The following PDGFC variants were observed in gnomAD, a reference collection of about 807,000 sequenced individuals.
PDGFC encodes platelet derived growth factor C.
Under a neutral mutation model 35.5 loss-of-function variants are expected in PDGFC, and 12 were observed. The ratio of observed to expected loss-of-function variants is 0.34; its 90% CI spans 0.22 to 0.55. The LOEUF (loss-of-function observed/expected upper bound fraction) is 0.55, where lower values mean the gene tolerates loss of function less well. PDGFC is among the 20% of genes least tolerant of loss of function. The pLI is 0.91. For synonymous variants in PDGFC, 159 were observed against 148.8 expected (o/e 1.07, Z -0.50); for missense variants, 322 against 412.4 (o/e 0.78, Z 1.90).
At chr4:156,956,843 T>C (rs1204411797) in intron 1 of PDGFC, among the ~76,000 whole-genome samples, 14 of 151,964 alleles carry the variant, frequency 9.2e-5, no homozygotes, top group Non-Finnish European at 2.1e-4. Context: ...AGACTTGGAG[T>C]GCTAAGAGCA....
intron 1 of PDGFC, among the ~76,000 whole-genome samples, chr4:156,889,745 G>T (rs751210608): frequency 5.9e-5 from 9 of 151,950 alleles, no homozygotes; most frequent in Non-Finnish European, 8.8e-5. Context: ...TTTGGTTTTG[G>T]TTTTTTTTCT....
intron 1 of PDGFC, among the ~76,000 whole-genome samples, chr4:156,906,146 T>A (rs1579091080): frequency 6.6e-6 from 1 of 152,268 alleles, no homozygotes; most frequent in East Asian, 1.9e-4. Context: ...TCAAAACAAG[T>A]AAGAATATTT....
At chr4:156,784,483 G>C (rs555491300) in intron 3 of PDGFC, among the ~76,000 whole-genome samples, 23 of 152,190 alleles carry the variant, frequency 1.5e-4, no homozygotes, top group Non-Finnish European at 3.4e-4. Flanking sequence ...TAGGAATAGA[G>C]AAGTTTCATC....
chr4:156,869,648 T>C (rs1729932424), intron 1 of PDGFC, among the ~76,000 whole-genome samples: 1 of 152,194 alleles, frequency 6.6e-6, no homozygotes, highest in Non-Finnish European at 1.5e-5. Context: ...TACCACTGGA[T>C]ATTGAACTAA....
At chr4:156,927,190 G>C in intron 1 of PDGFC, among the ~76,000 whole-genome samples, 1 of 152,162 alleles carries the variant, frequency 6.6e-6, no homozygotes, top group East Asian at 1.9e-4. Context: ...ACACAGCAGA[G>C]AGACGCTGGG....
intron 1 of PDGFC, among the ~76,000 whole-genome samples, chr4:156,960,580 T>C (rs956273742): frequency 3.3e-5 from 5 of 151,882 alleles, no homozygotes; most frequent in African/African-American, 1.2e-4. Context: ...GTTGTAGAGA[T>C]GTCACTGCCT....
chr4:156,768,087 T>C, intron 4 of PDGFC, 97 bp from the exon 5 acceptor site: 1 of 762,220 alleles, frequency 1.3e-6, no homozygotes, highest in Non-Finnish European at 2.3e-6. Flanking sequence ...TCTTACGTTA[T>C]TTCATGAACA....
At chr4:156,922,749 G>A (rs961963596) in intron 1 of PDGFC, among the ~76,000 whole-genome samples, 45 of 152,128 alleles carry the variant, frequency 3.0e-4, no homozygotes, top group Admixed American at 1.4e-3. Context: ...GGGGGTCGGG[G>A]GGTGTTCCAC....
At chr4:156,817,810 G>A (rs138888408) in intron 2 of PDGFC, among the ~76,000 whole-genome samples, 1,782 of 152,064 alleles carry the variant, frequency 0.012, 25 homozygotes, top group African/African-American at 0.04. Context: ...TGTAATCCCG[G>A]CACTTTGGGA....
chr4:156,810,358 C>T (rs1310386353), intron 3 of PDGFC, among the ~76,000 whole-genome samples: 1 of 151,726 alleles, frequency 6.6e-6, no homozygotes, highest in Non-Finnish European at 1.5e-5. Context: ...TCAAAATTCA[C>T]AATTTATAAC....
chr4:156,846,051 T>C (rs966470710), intron 2 of PDGFC, among the ~76,000 whole-genome samples: 1 of 151,692 alleles, frequency 6.6e-6, no homozygotes, highest in Non-Finnish European at 1.5e-5. Flanking sequence ...AAAATACTAA[T>C]GACAATAAAA....
intron 1 of PDGFC, among the ~76,000 whole-genome samples, chr4:156,923,031 C>A (rs1731324234): frequency 6.6e-6 from 1 of 152,138 alleles, no homozygotes; most frequent in South Asian, 2.1e-4. Flanking sequence ...ACACAAAAGC[C>A]AGATTATATT....
rs1730381506 is a variant in PDGFC, at chr4:156,761,747, G to C, written c.*1343C>G. 6.6e-6 allele frequency: 1 copy of C among 152,662 alleles called. No individual in the cohort carries two copies. Among genetic ancestry groups the C allele is most frequent in the East Asian group, 1.9e-4 (1 of 5,184 alleles). The allele number at this position is 152,662 out of a possible 1,614,324, so 9.5% of individuals were successfully genotyped here. A position where few individuals can be genotyped will look rare whatever the true frequency, so the allele number is the denominator to read the frequency against. ...TATTTTACTGATTTTCTTTTAAATT[G>C]CCAGAGTACAATAAGTGAACTGGTT... On this transcript the variant is annotated 3_prime_UTR_variant, in exon 6 of 6. Transcript: ENST00000502773.
intron 2 of PDGFC, among the ~76,000 whole-genome samples, chr4:156,839,376 C>A (rs1729143896): frequency 6.6e-6 from 1 of 152,250 alleles, no homozygotes; most frequent in East Asian, 1.9e-4. Context: ...TTTTGCTAGG[C>A]ACTTCTTCCT....
chr4:156,826,187 T>A (rs866258969), intron 2 of PDGFC, among the ~76,000 whole-genome samples: 2 of 103,276 alleles, frequency 1.9e-5, no homozygotes, highest in African/African-American at 1.1e-4. Flanking sequence ...TTTTTTTTTT[T>A]TTTTTTTTTT....
At chr4:156,964,294 A>G (rs1732411974) in intron 1 of PDGFC, among the ~76,000 whole-genome samples, 1 of 151,540 alleles carries the variant, frequency 6.6e-6, no homozygotes, top group South Asian at 2.1e-4. Flanking sequence ...ATACTTGCTT[A>G]AAGTACAGTT....
In PDGFC at chr4:156,776,747, A is replaced by G. The variant is rs562128873; in HGVS notation, c.496-3854T>C. ...AAGTTACTCTGAATGACAACATGATAATGAGAGAACTACGATCAGGAGTTA... is the reference window on the plus strand; with the variant it reads ...AAGTTACTCTGAATGACAACATGATGATGAGAGAACTACGATCAGGAGTTA... On this transcript the variant is annotated intron_variant, in intron 3 of 5. Coordinates refer to ENST00000502773, the MANE Select transcript of PDGFC (RefSeq NM_016205.3). Among the ~76,000 whole-genome samples the G allele has an allele frequency of 1.2e-3, 181 of 152,344 alleles. 1 individual carries two copies. Among genetic ancestry groups the G allele is most frequent in the African/African-American group, 4.2e-3 (175 of 41,592 alleles).
intron 3 of PDGFC, among the ~76,000 whole-genome samples, chr4:156,780,724 A>G (rs1318344106): frequency 6.6e-6 from 1 of 152,160 alleles, no homozygotes; most frequent in Non-Finnish European, 1.5e-5. Flanking sequence ...TGAGAGGGCA[A>G]CAGAAAAATC....
At chr4:156,914,325 C>T (rs1316738483) in intron 1 of PDGFC, among the ~76,000 whole-genome samples, 1 of 152,110 alleles carries the variant, frequency 6.6e-6, no homozygotes, top group Non-Finnish European at 1.5e-5. Context: ...CCTATCCCTA[C>T]CCCTTCCATC....
Sources: allele counts gnomAD v4.1 joint callset (sites outside exome capture counted in the v4.1 genomes callset), GRCh38; gene constraint gnomAD v4.1.1; transcripts MANE v1.5; gene names NCBI Gene and HGNC (gene_info 2026-07-23, HGNC 2026-07-21).